The following NRXN3 variants were observed in gnomAD, a reference collection of about 807,000 sequenced individuals.
The protein encoded by NRXN3 is neurexin III.
Under a neutral mutation model 137.6 loss-of-function variants are expected in NRXN3, and 32 were observed. That is an observed-to-expected ratio of 0.23 (90% CI 0.18 to 0.31). The LOEUF (loss-of-function observed/expected upper bound fraction) is 0.31, where lower values mean the gene tolerates loss of function less well. Ranked by LOEUF, NRXN3 falls within the 10% of genes least tolerant of loss-of-function variation. The pLI, the probability that NRXN3 is intolerant of heterozygous loss-of-function variation, is 1.00. For synonymous variants in NRXN3, 798 were observed against 784.5 expected, an observed-to-expected ratio of 1.02 and a Z score of -0.29; for missense variants, 1,574 against 2,062.5, an observed-to-expected ratio of 0.76 and a Z score of 4.59.
chr14:79,126,619 A>G (rs553200001), intron 15 of NRXN3, among the ~76,000 whole-genome samples: 2,347 of 152,066 alleles, frequency 0.015, 48 homozygotes, highest in African/African-American at 0.053. Context: ...GTTGTGAATA[A>G]TGCCGCAATA....
chr14:79,281,791 C>T (rs748007078), intron 15 of NRXN3: 1 of 152,182 alleles, frequency 6.6e-6, no homozygotes, highest in East Asian at 1.9e-4. Flanking sequence ...GTGAACCATA[C>T]TAGGGGGTTC....
At chr14:78,559,477 G>C (rs769577676) in intron 4 of NRXN3, among the ~76,000 whole-genome samples, 16 of 152,128 alleles carry the variant, frequency 1.1e-4, no homozygotes, top group Non-Finnish European at 2.1e-4. Flanking sequence ...GTGGTGTGTG[G>C]CCCTGAGCAA....
intron 3 of NRXN3, chr14:78,283,096 G>A (rs1323201859): frequency 6.6e-6 from 1 of 152,202 alleles, no homozygotes; most frequent in East Asian, 1.9e-4. Context: ...TTCCTCTCTT[G>A]TGCTGGGCAC....
intron 19 of NRXN3, among the ~76,000 whole-genome samples, chr14:79,790,072 C>G (rs553682402): frequency 1.3e-5 from 2 of 152,102 alleles, no homozygotes; most frequent in Non-Finnish European, 2.9e-5. Context: ...GATATTTAAT[C>G]AAAAATATTG....
intron 15 of NRXN3, among the ~76,000 whole-genome samples, chr14:79,415,031 C>G (rs1338293113): frequency 2.6e-5 from 4 of 152,092 alleles, no homozygotes; most frequent in African/African-American, 9.7e-5. Context: ...TTGCAAATAT[C>G]AGAATACCCT....
intron 4 of NRXN3, among the ~76,000 whole-genome samples, chr14:78,565,346 C>G (rs2096827327): frequency 6.6e-6 from 1 of 152,164 alleles, no homozygotes; most frequent in Non-Finnish European, 1.5e-5. Context: ...CCACACTGAA[C>G]CCTAAAACTG....
chr14:79,486,731 C>T (rs1338600358), intron 16 of NRXN3, among the ~76,000 whole-genome samples: 1 of 152,144 alleles, frequency 6.6e-6, no homozygotes, highest in Non-Finnish European at 1.5e-5. Context: ...TCAACACATG[C>T]AGAAAATACA....
At chr14:78,774,721 C>T (rs1050978416) in intron 8 of NRXN3, among the ~76,000 whole-genome samples, 2 of 152,040 alleles carry the variant, frequency 1.3e-5, no homozygotes, top group Admixed American at 6.6e-5. Flanking sequence ...AGTTCAAGAC[C>T]AGCTTGGGCA....
intron 4 of NRXN3, among the ~76,000 whole-genome samples, chr14:78,599,281 G>A (rs2097183872): frequency 6.6e-6 from 1 of 152,220 alleles, no homozygotes; most frequent in African/African-American, 2.4e-5. Context: ...AAACCTAGCG[G>A]CTTTCCACCT....
chr14:78,220,754 G>T (rs912800088), intron 1 of NRXN3, among the ~76,000 whole-genome samples: 58 of 152,064 alleles, frequency 3.8e-4, no homozygotes, highest in African/African-American at 1.4e-3. Flanking sequence ...GAGCACTGGG[G>T]ATAAGTCAGT....
chr14:78,686,036 C>T (rs1381246225), intron 6 of NRXN3, among the ~76,000 whole-genome samples: 3 of 152,012 alleles, frequency 2.0e-5, no homozygotes, highest in Non-Finnish European at 4.4e-5. Flanking sequence ...CTCCTTCTTC[C>T]GTTTAGCTTG....
chr14:78,964,671 A>G (rs2099414142), intron 11 of NRXN3, among the ~76,000 whole-genome samples: 1 of 152,168 alleles, frequency 6.6e-6, no homozygotes, highest in African/African-American at 2.4e-5. Flanking sequence ...GCAGTAGAAC[A>G]TGGTTTGTTA....
Position 78,403,457 on chromosome 14 carries a change from C to T in NRXN3, c.757+105597C>T, listed in dbSNP as rs374304972. ...TGTGACTTCCTGAGTCAGTGATTCACACTGAGAAAAGAGATAGGTTTGGCA... is the reference window on the plus strand; with the variant it reads ...TGTGACTTCCTGAGTCAGTGATTCATACTGAGAAAAGAGATAGGTTTGGCA... On this transcript the variant is annotated intron_variant, in intron 4 of 20. Coordinates refer to ENST00000335750, the MANE Select transcript of NRXN3 (RefSeq NM_001330195.2). Among the ~76,000 whole-genome samples the T allele has an allele frequency of 5.3e-5, 8 of 152,302 alleles. No individual in the cohort carries two copies. The South Asian group carries it at 1.7e-3, about 32-fold the overall frequency.
chr14:79,647,816 ATGT>A lies in NRXN3; in HGVS notation c.3445-15957_3445-15955del, dbSNP rs1356996096. 1.5e-5 allele frequency among the ~76,000 whole-genome samples: 2 copies of A among 135,496 alleles called. 1 individual carries two copies. Among genetic ancestry groups the A allele is most frequent in the Non-Finnish European group, 3.4e-5 (2 of 58,300 alleles). The allele number at this position is 135,496 out of a possible 152,430, so 88.9% of individuals were successfully genotyped here. ...TCTAGTATGTGCTAGATGCCTGCAT[ATGT>A]TGTTTTATCCTCATGACAATCTCTC... On this transcript the variant is annotated intron_variant, in intron 16 of 20. Coordinates refer to ENST00000335750, the MANE Select transcript of NRXN3 (RefSeq NM_001330195.2).
At chr14:79,795,938 G>T (rs570069525) in intron 19 of NRXN3, among the ~76,000 whole-genome samples, 1 of 152,176 alleles carries the variant, frequency 6.6e-6, no homozygotes, top group African/African-American at 2.4e-5. Flanking sequence ...TAAGAAGAAA[G>T]AAAGGGAAAA....
intron 16 of NRXN3, among the ~76,000 whole-genome samples, chr14:79,542,354 A>G (rs1442225775): frequency 6.6e-6 from 1 of 152,256 alleles, no homozygotes; most frequent in Non-Finnish European, 1.5e-5. Context: ...TACATCAACC[A>G]AAAGGTTCAG....
intron 10 of NRXN3, among the ~76,000 whole-genome samples, chr14:78,934,396 A>C (rs1266641195): frequency 6.6e-6 from 1 of 152,216 alleles, no homozygotes; most frequent in East Asian, 1.9e-4. Context: ...AGAAGGAGAC[A>C]TGGATGAAGA....
In NRXN3 at chr14:79,097,713, T is replaced by C. The variant is rs558355340; in HGVS notation, c.3262+109572T>C. ...ACCCCTATATACAATTATTTCAATA[T>C]ATCTTATATAAGTTTAGAAGGTGAA... is the stretch of plus-strand genomic sequence containing the variant. On this transcript the variant is annotated intron_variant, in intron 15 of 20. Coordinates refer to ENST00000335750, the MANE Select transcript of NRXN3 (RefSeq NM_001330195.2). Among the ~76,000 whole-genome samples, 5 of 152,296 alleles carry C rather than the reference T, an allele frequency of 3.3e-5. No individual in the cohort carries two copies. In the East Asian group the frequency reaches 9.7e-4, roughly 29 times the overall value.
At chr14:78,636,720 A>G (rs1020674489) in intron 4 of NRXN3, among the ~76,000 whole-genome samples, 9 of 152,240 alleles carry the variant, frequency 5.9e-5, no homozygotes, top group African/African-American at 1.9e-4. Context: ...GCTTATATGG[A>G]TCTGGTGGTT....
Sources: gnomAD v4.1 joint callset for allele counts (sites outside exome capture counted in the v4.1 genomes callset) on GRCh38, gnomAD v4.1.1 for gene constraint, MANE v1.5 for transcripts, NCBI Gene and HGNC (gene_info 2026-07-23, HGNC 2026-07-21) for gene names.